The following MAF variants were observed in gnomAD, a reference collection of about 807,000 sequenced individuals.
MAF encodes transcription factor Maf.
In MAF, 10 loss-of-function variants were observed where a neutral mutation model predicts 22.0. That is an observed-to-expected ratio of 0.45 (90% CI 0.28 to 0.77). MAF has a LOEUF of 0.77. Among genes scored for constraint, MAF ranks in the 30% least tolerant of loss-of-function variants. MAF has a pLI of 0.12. For missense variants in MAF, 544 were observed against 548.4 expected, an observed-to-expected ratio of 0.99 and a Z score of 0.08; for synonymous variants, 337 against 255.8, an observed-to-expected ratio of 1.32 and a Z score of -3.03.
the MAF span, among the ~76,000 whole-genome samples, chr16:79,439,262 T>C: frequency 6.8e-6 from 1 of 147,376 alleles, no homozygotes; most frequent in East Asian, 2.0e-4. Flanking sequence ...ACTTACTTTT[T>C]TTTTTTTTTT....
the MAF span, among the ~76,000 whole-genome samples, chr16:79,378,775 TTTC>T: frequency 6.6e-6 from 1 of 152,170 alleles, no homozygotes; most frequent in South Asian, 2.1e-4. Context: ...ATTTATCTCT[TTTC>T]TTCTTGTTGG....
the MAF span, chr16:79,203,307 C>G: frequency 6.6e-6 from 1 of 152,126 alleles, no homozygotes; most frequent in Non-Finnish European, 1.5e-5. Context: ...ATGGTCTGTT[C>G]CAGTGAGCTC....
chr16:79,327,005 T>A, the MAF span, among the ~76,000 whole-genome samples: 1 of 152,208 alleles, frequency 6.6e-6, no homozygotes, highest in Admixed American at 6.5e-5. Flanking sequence ...TCCTAGCAGC[T>A]GTGGGGTTTG....
intron 1 of MAF, chr16:79,586,055 C>G: frequency 1.8e-6 from 1 of 552,636 alleles, no homozygotes; most frequent in Non-Finnish European, 3.1e-6. Flanking sequence ...CAGAATTACA[C>G]CAAAAGAAGA....
At chr16:79,315,347 G>C in the MAF span, among the ~76,000 whole-genome samples, 2 of 152,060 alleles carry the variant, frequency 1.3e-5, no homozygotes, top group African/African-American at 4.8e-5. Context: ...AAACTACTAT[G>C]ATTTTAATTT....
At chr16:79,408,298 T>C in the MAF span, among the ~76,000 whole-genome samples, 1 of 151,928 alleles carries the variant, frequency 6.6e-6, no homozygotes, top group Admixed American at 6.6e-5. Flanking sequence ...TGCCTCAGCC[T>C]CTGGAGTAGC....
At chr16:79,236,713 G>A in the MAF span, among the ~76,000 whole-genome samples, 6 of 151,842 alleles carry the variant, frequency 4.0e-5, no homozygotes, top group South Asian at 4.1e-4. Context: ...TCCAGGCTCC[G>A]CTCCTTTCCA....
the MAF span, among the ~76,000 whole-genome samples, chr16:79,480,281 C>T: frequency 2.6e-5 from 4 of 151,996 alleles, no homozygotes; most frequent in South Asian, 2.1e-4. Context: ...AATTATTTTC[C>T]GGGTGAAACT....
the MAF span, among the ~76,000 whole-genome samples, chr16:79,491,047 T>G: frequency 1.3e-5 from 2 of 151,968 alleles, no homozygotes; most frequent in Non-Finnish European, 2.9e-5. Flanking sequence ...TGGAAACAAG[T>G]CACAGATAGT....
At chr16:79,225,271 C>G in the MAF span, among the ~76,000 whole-genome samples, 56 of 152,318 alleles carry the variant, frequency 3.7e-4, no homozygotes, top group South Asian at 2.5e-3. Context: ...AAAGAATTCC[C>G]TATTTGATAA....
At chr16:79,235,574 G>C in the MAF span, among the ~76,000 whole-genome samples, 1 of 151,824 alleles carries the variant, frequency 6.6e-6, no homozygotes, top group Non-Finnish European at 1.5e-5. Context: ...ATGATTGAAA[G>C]CCGCAGAAGC....
chr16:79,508,447 C>T, the MAF span, among the ~76,000 whole-genome samples: 1 of 152,004 alleles, frequency 6.6e-6, no homozygotes, highest in African/African-American at 2.4e-5. Context: ...CCTAGCCTTG[C>T]CCCTTCATGC....
chr16:79,281,698 C>G, the MAF span, among the ~76,000 whole-genome samples: 1 of 151,976 alleles, frequency 6.6e-6, no homozygotes, highest in African/African-American at 2.4e-5. Flanking sequence ...ACAGGTGCAC[C>G]ACCACGCCTA....
intron 1 of MAF, among the ~76,000 whole-genome samples, chr16:79,586,885 T>A (rs1185902332): frequency 2.0e-5 from 3 of 152,248 alleles, no homozygotes; most frequent in African/African-American, 7.2e-5. Context: ...GGCGATAAAC[T>A]AGTAAGTCAA....
chr16:79,213,988 G>T, the MAF span, among the ~76,000 whole-genome samples: 2 of 152,026 alleles, frequency 1.3e-5, no homozygotes, highest in Admixed American at 6.6e-5. Context: ...GTCTTCCTCT[G>T]TTCCTCGAAC....
the MAF span, among the ~76,000 whole-genome samples, chr16:79,312,518 C>T: frequency 6.6e-6 from 1 of 152,228 alleles, no homozygotes; most frequent in African/African-American, 2.4e-5. Flanking sequence ...CAGACTGACT[C>T]CAAAACAGTT....
the MAF span, among the ~76,000 whole-genome samples, chr16:79,410,190 C>G: frequency 2.0e-5 from 3 of 152,198 alleles, no homozygotes; most frequent in South Asian, 6.2e-4. Context: ...ACCTCACTTC[C>G]GATTTCTGTA....
the MAF span, among the ~76,000 whole-genome samples, chr16:79,307,067 A>C: frequency 1.3e-5 from 2 of 152,238 alleles, no homozygotes; most frequent in Non-Finnish European, 2.9e-5. Flanking sequence ...TATGTTTGCA[A>C]AATGGATCCC....
chr16:79,353,392 G>T, the MAF span, among the ~76,000 whole-genome samples: 2 of 152,186 alleles, frequency 1.3e-5, no homozygotes, highest in Non-Finnish European at 2.9e-5. Context: ...GCCTCCCAAA[G>T]TGCTGGGATT....
Sources: allele counts gnomAD v4.1 joint callset (sites outside exome capture counted in the v4.1 genomes callset), GRCh38; gene constraint gnomAD v4.1.1; transcripts MANE v1.5; gene names NCBI Gene and HGNC (gene_info 2026-07-23, HGNC 2026-07-21).